IGSF3: variants seen among roughly 807,000 people sequenced by gnomAD.
IGSF3 encodes immunoglobulin superfamily member 3, also known as glu-Trp-Ile EWI motif-containing protein 3.
Under a neutral mutation model 114.4 loss-of-function variants are expected in IGSF3, and 23 were observed. That is an observed-to-expected ratio of 0.20 (90% CI 0.14 to 0.28). The LOEUF (loss-of-function observed/expected upper bound fraction) is 0.28. Ranked by LOEUF, IGSF3 falls within the 10% of genes least tolerant of loss-of-function variation. IGSF3 has a pLI of 1.00. For missense variants in IGSF3, 1,172 were observed against 1,591.5 expected (o/e 0.74, Z 4.48); for synonymous variants, 571 against 645.2 (o/e 0.88, Z 1.74).
At position 116,662,024 on chromosome 1, in the gene IGSF3, G is replaced by A. The variant is rs985373146; in HGVS notation, c.43+4260C>T. Among the ~76,000 whole-genome samples, 13 of 152,090 alleles carry A rather than the reference G, an allele frequency of 8.5e-5. 1 individual carries two copies. Among genetic ancestry groups the A allele is most frequent in the Admixed American group, 2.6e-4 (4 of 15,262 alleles). On this transcript the variant is annotated intron_variant, in intron 2 of 10. Transcript: ENST00000369486. This position sits in a 1 kb window ranked among gnomAD's most constrained non-coding sequence, Gnocchi z 4.3. ...GAGAGCATGCACATGGAGCAAGACA[G>A]CAGGAGCTTGGAGCCCTAACACTGT...
Position 116,584,406 on chromosome 1 carries a change from G to A in IGSF3, c.2848+239C>T, listed in dbSNP as rs978920360. The A allele has an allele frequency of 3.4e-5, 17 of 497,514 alleles. No individual in the cohort carries two copies. Among genetic ancestry groups the A allele is most frequent in the African/African-American group, 2.9e-4 (15 of 51,734 alleles). The allele number at this position is 497,514 out of a possible 1,614,324, so 30.8% of individuals were successfully genotyped here. ...TATTCTATGACCTGGAATAATTAAT[G>A]GCCAGATTTTATTCTATTTAAGAAA... On this transcript the variant is annotated intron_variant, in intron 9 of 10. Transcript: ENST00000369486. The surrounding 1 kb of genome is among the most constrained non-coding windows in gnomAD (Gnocchi z 5.8).
Position 116,629,383 on chromosome 1 carries a change from T to C in IGSF3, c.44-12926A>G, listed in dbSNP as rs1356717609. Among the ~76,000 whole-genome samples, 1 of 152,252 alleles carries C rather than the reference T, an allele frequency of 6.6e-6. No individual in the cohort carries two copies. Among genetic ancestry groups the C allele is most frequent in the Non-Finnish European group, 1.5e-5 (1 of 68,046 alleles). On this transcript the variant is annotated intron_variant, in intron 2 of 10. Transcript: ENST00000369486. This position sits in a 1 kb window ranked among gnomAD's most constrained non-coding sequence, Gnocchi z 4.3. The stretch of plus-strand genomic sequence containing the variant: ...GGTGGGGTAATAAGGGATTGTTTTT[T>C]CTTTGCACTTTGTGTTTTCTAAGTA...
At chr1:116,619,944 T>C (rs1348796483) in intron 2 of IGSF3, among the ~76,000 whole-genome samples, 1 of 152,150 alleles carries the variant, frequency 6.6e-6, no homozygotes, top group Non-Finnish European at 1.5e-5. Context: ...TGATTTTTAT[T>C]TTTTTCTTAA....
rs369370630 is a variant in IGSF3, at chr1:116,585,073, C to A, written c.2441-21G>T. ...GCTGTCTGGAACAGTAAGGAAGAGA[C>A]GTCAGCGACAAAAGGACAACAAGCA... On this transcript the variant is annotated intron_variant, in intron 8 of 10. Coordinates refer to ENST00000369486, the MANE Select transcript of IGSF3 (RefSeq NM_001007237.3). The surrounding 1 kb of genome is among the most constrained non-coding windows in gnomAD (Gnocchi z 4.9). The A allele has an allele frequency of 3.3e-6, 5 of 1,502,298 alleles. No homozygotes were observed. Among genetic ancestry groups the A allele is most frequent in the Non-Finnish European group, 4.4e-6 (5 of 1,125,184 alleles). The allele number at this position is 1,502,298 out of a possible 1,614,324, so 93.1% of individuals were successfully genotyped here. A position where few individuals can be genotyped will look rare whatever the true frequency, so the allele number is the denominator to read the frequency against.
Position 116,582,469 on chromosome 1 carries a change from C to A in IGSF3, c.2848+2176G>T, listed in dbSNP as rs1399499785. Among the ~76,000 whole-genome samples, 1 of 152,214 alleles carries A rather than the reference C, an allele frequency of 6.6e-6. No individual in the cohort carries two copies. Among genetic ancestry groups the A allele is most frequent in the Non-Finnish European group, 1.5e-5 (1 of 68,050 alleles). On this transcript the variant is annotated intron_variant, in intron 9 of 10. Transcript: ENST00000369486. This position sits in a 1 kb window ranked among gnomAD's most constrained non-coding sequence, Gnocchi z 4.7. ...TCTGCAATCTTAGTGAGGATGGGAG[C>A]CCTTCATTCCATGTATTTCAGATTA...
chr1:116,652,524 G>C (rs960463585), intron 2 of IGSF3, among the ~76,000 whole-genome samples: 5 of 152,212 alleles, frequency 3.3e-5, no homozygotes, highest in African/African-American at 9.6e-5. Context: ...TAGAGTAACA[G>C]TCACCAAATT....
chr1:116,617,349 T>G (rs533352654), intron 2 of IGSF3: 16 of 985,306 alleles, frequency 1.6e-5, no homozygotes, highest in Non-Finnish European at 1.9e-5. Flanking sequence ...ACACTGATTG[T>G]GCCTGAGCCA....
chr1:116,663,987 C>T (rs1180099792), intron 2 of IGSF3, among the ~76,000 whole-genome samples: 1 of 152,186 alleles, frequency 6.6e-6, no homozygotes. Flanking sequence ...TGAACCAGAC[C>T]ACATCAGAAG....
At chr1:116,658,033 T>C (rs113487609) in intron 2 of IGSF3, among the ~76,000 whole-genome samples, 38 of 152,170 alleles carry the variant, frequency 2.5e-4, no homozygotes, top group African/African-American at 8.9e-4. Flanking sequence ...GGTTTTTTTT[T>C]TTTTGAAATG....
intron 8 of IGSF3, among the ~76,000 whole-genome samples, chr1:116,586,386 T>C (rs1274388193): frequency 6.6e-6 from 1 of 151,236 alleles, no homozygotes; most frequent in Non-Finnish European, 1.5e-5. Context: ...TTGGGGGGGA[T>C]TTTTGTGTGT....
intron 2 of IGSF3, chr1:116,646,752 G>GA (rs1557884351): frequency 1.3e-5 from 2 of 152,366 alleles, no homozygotes; most frequent in East Asian, 3.9e-4. Flanking sequence ...GGACAGCCTG[G>GA]TAGCTGAAGA....
chr1:116,623,268 T>C (rs1165466689), intron 2 of IGSF3, among the ~76,000 whole-genome samples: 1 of 152,238 alleles, frequency 6.6e-6, no homozygotes, highest in Non-Finnish European at 1.5e-5. Context: ...CTGTTCCAAG[T>C]ACTCTGCTTG....
Position 116,660,487 on chromosome 1 carries a change from T to C in IGSF3, c.43+5797A>G, listed in dbSNP as rs917855409. 2.0e-4 allele frequency among the ~76,000 whole-genome samples: 30 copies of C among 146,422 alleles called. 1 individual carries two copies. Among genetic ancestry groups the C allele is most frequent in the Admixed American group, 1.2e-3 (18 of 14,718 alleles). ...GGCCTATGTATGCTTTTCTTTTTTT[T>C]TTTTTTTTTTTTTTTGAGACAGAGT... is the stretch of plus-strand genomic sequence containing the variant. On this transcript the variant is annotated intron_variant, in intron 2 of 10. Coordinates refer to ENST00000369486, the MANE Select transcript of IGSF3 (RefSeq NM_001007237.3).
chr1:116,656,458 A>G (rs758792071), intron 2 of IGSF3, among the ~76,000 whole-genome samples: 28 of 151,278 alleles, frequency 1.9e-4, no homozygotes, highest in Admixed American at 7.9e-4. Flanking sequence ...CCGCCACCAC[A>G]CCCAGCTAAT....
At chr1:116,643,923 G>A (rs1187345941) in intron 2 of IGSF3, among the ~76,000 whole-genome samples, 2 of 152,186 alleles carry the variant, frequency 1.3e-5, no homozygotes, top group South Asian at 2.1e-4. Context: ...CCCAGCAGGC[G>A]AGTTTGCCAG....
In IGSF3 at chr1:116,595,505, C is replaced by T. The variant is rs1376782316; in HGVS notation, c.2029+4436G>A. 6.6e-6 allele frequency among the ~76,000 whole-genome samples: 1 copy of T among 152,176 alleles called. No individual in the cohort carries two copies. The highest frequency in any genetic ancestry group is 1.9e-4 in the East Asian group (1 of 5,192). ...GTCAAAGAAAAGCCCTCTGCTATCCCAATCTGCCGGGTCAGCAATAAGAAA... is the reference window on the plus strand; with the variant it reads ...GTCAAAGAAAAGCCCTCTGCTATCCTAATCTGCCGGGTCAGCAATAAGAAA... On this transcript the variant is annotated intron_variant, in intron 7 of 10. Coordinates refer to ENST00000369486, the MANE Select transcript of IGSF3 (RefSeq NM_001007237.3). The surrounding 1 kb of genome is among the most constrained non-coding windows in gnomAD (Gnocchi z 4.2).
intron 2 of IGSF3, among the ~76,000 whole-genome samples, chr1:116,623,143 G>C (rs1661472765): frequency 6.6e-6 from 1 of 152,234 alleles, no homozygotes; most frequent in Non-Finnish European, 1.5e-5. Flanking sequence ...AGTGGCATGG[G>C]CTAAAAGATC....
At chr1:116,597,912 C>T (rs1255443946) in intron 7 of IGSF3, among the ~76,000 whole-genome samples, 1 of 152,194 alleles carries the variant, frequency 6.6e-6, no homozygotes, top group Non-Finnish European at 1.5e-5. Context: ...CAAACACCTA[C>T]ATTATTAGGT....
rs1221143757 is a variant in IGSF3 at position 116,644,122 on chromosome 1, A to C, written c.43+22162T>G. Among the ~76,000 whole-genome samples the C allele has an allele frequency of 1.3e-5, 2 of 152,204 alleles. No individual in the cohort carries two copies. Among genetic ancestry groups the C allele is most frequent in the African/African-American group, 4.8e-5 (2 of 41,448 alleles). On this transcript the variant is annotated intron_variant, in intron 2 of 10. Transcript: ENST00000369486. The surrounding 1 kb of genome is among the most constrained non-coding windows in gnomAD (Gnocchi z 5.6). ...GAACACCTAATTATCAGTGGTCCCC[A>C]CTCAGGAAACGTGCCCACAAATAAA...
Sources: gnomAD v4.1 joint callset for allele counts (sites outside exome capture counted in the v4.1 genomes callset) on GRCh38, gnomAD v4.1.1 for gene constraint, Gnocchi (gnomAD v3.1) non-coding constraint, MANE v1.5 for transcripts, NCBI Gene and HGNC (gene_info 2026-07-23, HGNC 2026-07-21) for gene names.